The following RAB40C variants were observed in gnomAD, a reference collection of about 807,000 sequenced individuals.
RAB40C encodes RAB40C, member RAS oncogene family.
In RAB40C, 8 loss-of-function variants were observed where a neutral mutation model predicts 28.1. The ratio of observed to expected loss-of-function variants is 0.28; its 90% confidence interval spans 0.17 to 0.51. The LOEUF (loss-of-function observed/expected upper bound fraction) is 0.51, where lower values mean the gene tolerates loss of function less well. Among genes scored for constraint, RAB40C ranks in the 20% least tolerant of loss-of-function variants. The pLI, the probability that RAB40C is intolerant of heterozygous loss-of-function variation, is 0.97. For synonymous variants in RAB40C, 201 were observed against 171.7 expected (o/e 1.17, Z -1.34); for missense variants, 288 against 405.9 (o/e 0.71, Z 2.50).
intron 3 of RAB40C, among the ~76,000 whole-genome samples, chr16:622,571 G>A (rs958918922): frequency 1.4e-4 from 22 of 152,186 alleles, no homozygotes; most frequent in South Asian, 2.1e-4. Flanking sequence ...GCCGTGGCGC[G>A]ATCTCGGCTC....
At chr16:594,462 G>C (rs564921553) in intron 1 of RAB40C, among the ~76,000 whole-genome samples, 3 of 152,158 alleles carry the variant, frequency 2.0e-5, no homozygotes, top group Admixed American at 1.3e-4. Flanking sequence ...CCATGGGAGC[G>C]AGGGCACCCT....
At chr16:600,468 G>A (rs2036225920) in intron 1 of RAB40C, among the ~76,000 whole-genome samples, 2 of 152,248 alleles carry the variant, frequency 1.3e-5, no homozygotes, top group South Asian at 4.1e-4. Flanking sequence ...GAGCTTTGGT[G>A]CCGGATGGGC....
intron 1 of RAB40C, among the ~76,000 whole-genome samples, chr16:609,637 A>G (rs961788722): frequency 6.6e-5 from 10 of 152,198 alleles, no homozygotes; most frequent in Admixed American, 6.5e-4. Flanking sequence ...TACCGCATCC[A>G]CGAATGAAGA....
rs1451283621 is a variant in RAB40C at position 590,169 on chromosome 16, C to T, written c.-123C>T. 1.6e-6 allele frequency: 1 copy of T among 644,596 alleles called. No individual in the cohort carries two copies. The highest frequency in any genetic ancestry group is 1.9e-6 in the Non-Finnish European group (1 of 518,658). 39.9% of individuals were successfully genotyped at this position (644,596 alleles called of 1,614,324 possible). On this transcript the variant is annotated 5_prime_UTR_variant, in exon 1 of 6. Coordinates refer to ENST00000248139, the MANE Select transcript of RAB40C (RefSeq NM_021168.5). ...GGGCCGGCGCTGGGCTTCGGGCGCG[C>T]CCACTCGGCCGCCGTGGGGCGGACG... is the stretch of plus-strand genomic sequence containing the variant.
intron 1 of RAB40C, among the ~76,000 whole-genome samples, chr16:601,849 C>T (rs1377604632): frequency 7.7e-6 from 1 of 130,468 alleles, no homozygotes; most frequent in Non-Finnish European, 1.7e-5. Context: ...AAAAAAAGGC[C>T]GGATGCGGTG....
chr16:600,419 C>G (rs2036224389), intron 1 of RAB40C, among the ~76,000 whole-genome samples: 1 of 151,566 alleles, frequency 6.6e-6, no homozygotes, highest in South Asian at 2.1e-4. Context: ...TGTCACCTAA[C>G]CTGCCGAGTT....
chr16:624,127 C>G lies in RAB40C; in HGVS notation c.265-1305C>G, dbSNP rs147645802. The G allele has an allele frequency of 5.9e-3, 5,803 of 985,270 alleles. 22 individuals are homozygous for G. Among genetic ancestry groups the G allele is most frequent in the Non-Finnish European group, 6.7e-3 (5,545 of 829,764 alleles). 61.0% of individuals were successfully genotyped at this position (985,270 alleles called of 1,614,324 possible). On this transcript the variant is annotated intron_variant, in intron 3 of 5. Coordinates refer to ENST00000248139, the MANE Select transcript of RAB40C (RefSeq NM_021168.5). The stretch of plus-strand genomic sequence containing the variant: ...GACATTTAATTTGTGTCTGGCTTGT[C>G]GTTGTTATCAGCGCCACTGTGACAC...
At chr16:627,254 G>C in intron 5 of RAB40C, 88 bp from the exon 6 acceptor site, 4 of 1,351,590 alleles carry the variant, frequency 3.0e-6, no homozygotes. Context: ...TGGAGACCCC[G>C]CCAGGCTTCT....
intron 1 of RAB40C, among the ~76,000 whole-genome samples, chr16:591,299 A>G (rs1375991653): frequency 6.7e-6 from 1 of 148,684 alleles, no homozygotes; most frequent in Non-Finnish European, 1.5e-5. Flanking sequence ...TCATGGTCCT[A>G]AGGGAAGGTG....
At position 626,090 on chromosome 16, in the gene RAB40C, C is replaced by T. The variant is rs144252473; in HGVS notation, c.534C>T (p.His178=). Reference sequence around the variant, plus strand: ...TATCCCGCATCGTGCTCATGCGGCACGGCATGGAGAAGATCTGGAGGCCCA... The same window carrying T: ...TATCCCGCATCGTGCTCATGCGGCATGGCATGGAGAAGATCTGGAGGCCCA... The part of the protein sequence containing the change: ...TELSRIVLMR[H]GMEKIWRPNR... Residue 178 remains histidine (H), a synonymous_variant, in exon 5 of 6, where the codon CAC becomes CAT. Coordinates refer to ENST00000248139, the MANE Select transcript of RAB40C (RefSeq NM_021168.5). 529 of 1,613,186 alleles carry T rather than the reference C, an allele frequency of 3.3e-4. 4 individuals are homozygous for T. The highest frequency in any genetic ancestry group is 3.7e-4 in the Non-Finnish European group (435 of 1,179,926).
chr16:609,242 G>A (rs535690593), intron 1 of RAB40C, among the ~76,000 whole-genome samples: 2 of 152,188 alleles, frequency 1.3e-5, no homozygotes, highest in South Asian at 4.1e-4. Flanking sequence ...GGAAGGGGAG[G>A]TCAGGGCAGT....
intron 1 of RAB40C, among the ~76,000 whole-genome samples, chr16:604,745 C>T (rs1415802035): frequency 2.6e-5 from 4 of 152,040 alleles, no homozygotes; most frequent in African/African-American, 9.7e-5. Context: ...AGTGAGAACT[C>T]GTTGCTATAA....
chr16:624,031 T>C (rs1044899272), intron 3 of RAB40C: 11 of 985,460 alleles, frequency 1.1e-5, no homozygotes, highest in Non-Finnish European at 1.3e-5. Context: ...CGCTTTTACA[T>C]GCACTGCTGC....
chr16:611,114 A>T (rs2036473655), intron 1 of RAB40C, among the ~76,000 whole-genome samples: 2 of 152,250 alleles, frequency 1.3e-5, no homozygotes. Context: ...GCAGACGTCC[A>T]GCGGGAGGAG....
At chr16:594,791 G>A (rs981608854) in intron 1 of RAB40C, among the ~76,000 whole-genome samples, 1 of 150,628 alleles carries the variant, frequency 6.6e-6, no homozygotes, top group South Asian at 2.1e-4. Flanking sequence ...CTCCTCCCCT[G>A]CACTTGATTA....
At chr16:592,962 C>T (rs2036033496) in intron 1 of RAB40C, among the ~76,000 whole-genome samples, 1 of 152,226 alleles carries the variant, frequency 6.6e-6, no homozygotes, top group African/African-American at 2.4e-5. Flanking sequence ...CTTGCAGAGA[C>T]TTCAGAGGCT....
chr16:621,290 G>A (rs146820700), intron 3 of RAB40C, among the ~76,000 whole-genome samples: 3 of 152,352 alleles, frequency 2.0e-5, no homozygotes, highest in African/African-American at 4.8e-5. Flanking sequence ...GGTGAGGTGC[G>A]GGTGCATCCA....
In RAB40C at chr16:627,463, C is replaced by T. The variant is rs770515259; in HGVS notation, c.687C>T (p.Asn229=). Residue 229 remains asparagine, a synonymous_variant, in exon 6 of 6, where the codon AAC becomes AAT. Coordinates refer to ENST00000248139, the MANE Select transcript of RAB40C (RefSeq NM_021168.5). ...ACCTCAAGTCCTTCTCGATGGCCAA[C>T]GGCATGAACGCGGTCATGATGCACG... ...KSHLKSFSMA[N]GMNAVMMHGR... is the part of the protein sequence containing the mutation. 162 of 1,613,934 alleles carry T rather than the reference C, an allele frequency of 1.0e-4. 1 individual carries two copies. In the East Asian group the frequency reaches 1.2e-3, roughly 12 times the overall value.
chr16:614,188 C>T (rs35770441), intron 1 of RAB40C, among the ~76,000 whole-genome samples: 26 of 102,754 alleles, frequency 2.5e-4, no homozygotes, highest in Non-Finnish European at 4.9e-4. Flanking sequence ...CGAACTCTAC[C>T]GCATCCCTAT....
Sources: allele counts gnomAD v4.1 joint callset (sites outside exome capture counted in the v4.1 genomes callset), GRCh38; gene constraint gnomAD v4.1.1; transcripts MANE v1.5; gene names NCBI Gene and HGNC (gene_info 2026-07-23, HGNC 2026-07-21).